The following NPAS3 variants were observed in gnomAD, a reference collection of about 807,000 sequenced individuals.
NPAS3 encodes neuronal PAS domain-containing protein 3.
In NPAS3, 14 loss-of-function variants were observed where a neutral mutation model predicts 73.1. The ratio of observed to expected loss-of-function variants is 0.19; its 90% CI spans 0.13 to 0.30. NPAS3 has a LOEUF of 0.30. Ranked by LOEUF, NPAS3 falls within the 10% of genes least tolerant of loss-of-function variation. NPAS3 has a pLI of 1.00. For missense variants in NPAS3, 1,096 were observed against 1,250.0 expected (o/e 0.88, Z 1.86); for synonymous variants, 620 against 541.5 (o/e 1.14, Z -2.01).
At chr14:33,595,893 A>T (rs928423003) in intron 5 of NPAS3, among the ~76,000 whole-genome samples, 1 of 152,138 alleles carries the variant, frequency 6.6e-6, no homozygotes, top group African/African-American at 2.4e-5. Context: ...GATGGTCTCG[A>T]TCTCCTGACC....
intron 2 of NPAS3, among the ~76,000 whole-genome samples, chr14:33,166,699 A>C (rs1311114640): frequency 6.6e-6 from 1 of 152,214 alleles, no homozygotes; most frequent in African/African-American, 2.4e-5. Context: ...CTTCTGATGC[A>C]GAATTATGGT....
chr14:33,658,642 G>T (rs2059217860), intron 5 of NPAS3, among the ~76,000 whole-genome samples: 1 of 152,172 alleles, frequency 6.6e-6, no homozygotes, highest in Non-Finnish European at 1.5e-5. Flanking sequence ...GGAGCCCATA[G>T]GTAGGCTCAT....
intron 4 of NPAS3, among the ~76,000 whole-genome samples, chr14:33,472,656 A>G (rs1224299275): frequency 1.3e-5 from 2 of 148,982 alleles, no homozygotes; most frequent in Non-Finnish European, 2.9e-5. Flanking sequence ...CATTCTGTAT[A>G]AATGAATGTC....
At chr14:32,975,197 C>G (rs1490754406) in intron 1 of NPAS3, among the ~76,000 whole-genome samples, 1 of 151,898 alleles carries the variant, frequency 6.6e-6, no homozygotes, top group Non-Finnish European at 1.5e-5. Context: ...TTAATACTAC[C>G]AGCACAGAGA....
chr14:33,087,230 A>G (rs2042066760), intron 2 of NPAS3, among the ~76,000 whole-genome samples: 1 of 126,568 alleles, frequency 7.9e-6, no homozygotes, highest in Admixed American at 7.7e-5. Flanking sequence ...TGTATAATAT[A>G]TATTATACAA....
rs368126374 is a variant in NPAS3, at chr14:33,546,863, A to C, written c.469-13258A>C. 2.1e-4 allele frequency among the ~76,000 whole-genome samples: 32 copies of C among 152,368 alleles called. No homozygotes were observed. The East Asian group carries it at 3.9e-3, about 18-fold the overall frequency. ...GAAATTAAGGATGTTGATAAACTGC[A>C]GACCTATGTCTACGTCTAGTACATT... is the stretch of plus-strand genomic sequence containing the variant. On this transcript the variant is annotated intron_variant, in intron 4 of 11. Transcript: ENST00000356141.
chr14:33,057,788 G>C (rs2040942827), intron 2 of NPAS3, among the ~76,000 whole-genome samples: 1 of 152,192 alleles, frequency 6.6e-6, no homozygotes, highest in African/African-American at 2.4e-5. Flanking sequence ...AAATGATGAA[G>C]AAGGGGAGGA....
At chr14:33,558,731 C>G (rs1316485354) in intron 4 of NPAS3, among the ~76,000 whole-genome samples, 2 of 151,850 alleles carry the variant, frequency 1.3e-5, no homozygotes, top group Non-Finnish European at 2.9e-5. Context: ...GCACATATTT[C>G]TAACTAAATT....
intron 2 of NPAS3, among the ~76,000 whole-genome samples, chr14:33,142,581 C>T (rs1005232076): frequency 1.3e-5 from 2 of 152,156 alleles, no homozygotes; most frequent in Non-Finnish European, 1.5e-5. Context: ...CTTTGTCCTA[C>T]TTCTCTTTTC....
intron 2 of NPAS3, among the ~76,000 whole-genome samples, chr14:33,161,035 A>G (rs1038010786): frequency 1.3e-5 from 2 of 152,322 alleles, no homozygotes; most frequent in Non-Finnish European, 2.9e-5. Flanking sequence ...ACAATGAAAG[A>G]TAACAGATAC....
At chr14:32,969,604 A>C (rs2037336468) in intron 1 of NPAS3, among the ~76,000 whole-genome samples, 1 of 152,204 alleles carries the variant, frequency 6.6e-6, no homozygotes, top group Non-Finnish European at 1.5e-5. Flanking sequence ...GATGGCATTT[A>C]GTATATCAGA....
intron 2 of NPAS3, among the ~76,000 whole-genome samples, chr14:33,112,984 C>T (rs889578331): frequency 1.1e-4 from 17 of 151,970 alleles, no homozygotes; most frequent in African/African-American, 3.1e-4. Flanking sequence ...TGTAGATATG[C>T]GGCATTATTT....
rs1472025305 is a variant in NPAS3 at position 32,994,635 on chromosome 14, TG to T, written c.50+55270del. Among the ~76,000 whole-genome samples, 63 of 126,424 alleles carry T rather than the reference TG, an allele frequency of 5.0e-4. 3 individuals are homozygous for T. Among genetic ancestry groups the T allele is most frequent in the African/African-American group, 2.2e-3 (59 of 27,320 alleles). 82.9% of individuals were successfully genotyped at this position (126,424 alleles called of 152,430 possible). A position where few individuals can be genotyped will look rare whatever the true frequency, so the allele number is the denominator to read the frequency against. ...AGTTTTTTGTTTGTTTGTTTGTTTT[TG>T]TTTTTTTTTTTTTGAGACAGAGTCT... is the stretch of plus-strand genomic sequence containing the variant. On this transcript the variant is annotated intron_variant, in intron 1 of 11. Transcript: ENST00000356141.
intron 3 of NPAS3, among the ~76,000 whole-genome samples, chr14:33,305,589 T>A (rs1263993400): frequency 1.3e-5 from 2 of 152,144 alleles, no homozygotes; most frequent in African/African-American, 4.8e-5. Flanking sequence ...ATATTTACTA[T>A]ACCTAGTATA....
At chr14:33,439,931 G>C (rs1281256291) in intron 4 of NPAS3, among the ~76,000 whole-genome samples, 2 of 151,802 alleles carry the variant, frequency 1.3e-5, no homozygotes, top group Admixed American at 6.6e-5. Context: ...CTGGCTAACA[G>C]GGTGAAACCC....
At chr14:33,157,190 A>T (rs1182482909) in intron 2 of NPAS3, among the ~76,000 whole-genome samples, 2 of 152,250 alleles carry the variant, frequency 1.3e-5, no homozygotes, top group Non-Finnish European at 2.9e-5. Context: ...AAAGTTTGTT[A>T]TAGCATATGC....
chr14:33,677,667 C>G (rs1399685679), intron 6 of NPAS3, among the ~76,000 whole-genome samples: 1 of 151,564 alleles, frequency 6.6e-6, no homozygotes, highest in Non-Finnish European at 1.5e-5. Flanking sequence ...TTTTAAGAAC[C>G]AATCCATTTT....
At chr14:33,065,013 A>T (rs2041230651) in intron 2 of NPAS3, among the ~76,000 whole-genome samples, 1 of 152,070 alleles carries the variant, frequency 6.6e-6, no homozygotes, top group Admixed American at 6.6e-5. Flanking sequence ...TTCCTTTTTG[A>T]TGTGACACTT....
intron 3 of NPAS3, among the ~76,000 whole-genome samples, chr14:33,329,083 A>C (rs2043856708): frequency 6.6e-6 from 1 of 152,176 alleles, no homozygotes; most frequent in African/African-American, 2.4e-5. Context: ...GTTACCATCA[A>C]AACTCCCTAA....
Sources: allele counts gnomAD v4.1 joint callset (sites outside exome capture counted in the v4.1 genomes callset), GRCh38; gene constraint gnomAD v4.1.1; transcripts MANE v1.5; gene names NCBI Gene and HGNC (gene_info 2026-07-23, HGNC 2026-07-21).